The following TNR variants were observed in gnomAD, a reference collection of about 807,000 sequenced individuals.
The protein encoded by TNR is tenascin R, also known as tenascin-R.
TNR carries 45 observed loss-of-function variants against 150.4 expected under a neutral mutation model. The ratio of observed to expected loss-of-function variants is 0.30; its 90% CI spans 0.24 to 0.38. The LOEUF is 0.38. Ranked by LOEUF, TNR falls within the 10% of genes least tolerant of loss-of-function variation. The probability of loss-of-function intolerance (pLI) is 1.00; values close to 1 mark genes in which losing one functional copy is unlikely to be tolerated. For missense variants in TNR, 1,544 were observed against 1,759.1 expected, an observed-to-expected ratio of 0.88 and a Z score of 2.19; for synonymous variants, 687 against 678.4, an observed-to-expected ratio of 1.01 and a Z score of -0.20.
chr1:175,322,222 C>T lies in TNR; in HGVS notation c.*1135G>A, dbSNP rs1649093793. ...TCCTACCTTTGCAGAAAGTGACTGT[C>T]TGTCTGACCTGAGGGTGGGGGCAGT... On this transcript the variant is annotated 3_prime_UTR_variant, in exon 23 of 23. Transcript: ENST00000367674. 6.6e-6 allele frequency: 1 copy of T among 152,232 alleles called. No individual in the cohort carries two copies. The highest frequency in any genetic ancestry group is 1.5e-5 in the Non-Finnish European group (1 of 68,042). 9.4% of individuals were successfully genotyped at this position (152,232 alleles called of 1,614,324 possible).
intron 1 of TNR, among the ~76,000 whole-genome samples, chr1:175,550,047 T>G (rs1375786899): frequency 6.6e-6 from 1 of 152,118 alleles, no homozygotes; most frequent in Non-Finnish European, 1.5e-5. Context: ...TTTAAGCCCA[T>G]AAAGGGAGGC....
At chr1:175,666,790 C>T (rs529252216) in intron 1 of TNR, among the ~76,000 whole-genome samples, 1 of 152,304 alleles carries the variant, frequency 6.6e-6, no homozygotes, top group South Asian at 2.1e-4. Context: ...TTTCTGTCAC[C>T]AGGCTGGAGT....
intron 1 of TNR, among the ~76,000 whole-genome samples, chr1:175,613,826 C>G (rs539622823): frequency 5.3e-5 from 8 of 152,248 alleles, no homozygotes; most frequent in Non-Finnish European, 7.4e-5. Flanking sequence ...TATTAAATGC[C>G]TCCTATAAGA....
At chr1:175,425,838 C>T (rs1028078231) in intron 2 of TNR, among the ~76,000 whole-genome samples, 3 of 152,104 alleles carry the variant, frequency 2.0e-5, no homozygotes, top group Non-Finnish European at 2.9e-5. Context: ...AAAAACAATG[C>T]TGAGAGTTTC....
In TNR at chr1:175,728,318, T is replaced by C. The variant is rs574018983; in HGVS notation, c.-165+14908A>G. Among the ~76,000 whole-genome samples the C allele has an allele frequency of 7.9e-5, 12 of 152,306 alleles. 1 individual carries two copies. The highest frequency in any genetic ancestry group is 2.9e-4 in the African/African-American group (12 of 41,558). ...AGACAAGCTGTCAGGAGGCCTGAAGTCAAGACTTTGGAGAAGGTACAATTA... is the reference window on the plus strand; with the variant it reads ...AGACAAGCTGTCAGGAGGCCTGAAGCCAAGACTTTGGAGAAGGTACAATTA... On this transcript the variant is annotated intron_variant, in intron 1 of 22. Transcript: ENST00000367674.
chr1:175,400,244 A>C (rs563860993), intron 4 of TNR, among the ~76,000 whole-genome samples: 1 of 152,166 alleles, frequency 6.6e-6, no homozygotes, highest in Non-Finnish European at 1.5e-5. Flanking sequence ...TGGCTTTAAA[A>C]TTTTTATTTT....
At chr1:175,670,759 G>T (rs888189827) in intron 1 of TNR, among the ~76,000 whole-genome samples, 5 of 152,240 alleles carry the variant, frequency 3.3e-5, no homozygotes, top group Admixed American at 2.0e-4. Flanking sequence ...TAGAGAGAGG[G>T]GGATGTGGAT....
intron 2 of TNR, among the ~76,000 whole-genome samples, chr1:175,512,207 A>G (rs1007211775): frequency 3.3e-5 from 5 of 152,242 alleles, no homozygotes; most frequent in African/African-American, 4.8e-5. Context: ...ATTTAGAAGG[A>G]GGAGCACCCT....
At chr1:175,741,894 C>T (rs1667940667) in intron 1 of TNR, among the ~76,000 whole-genome samples, 1 of 152,180 alleles carries the variant, frequency 6.6e-6, no homozygotes, top group African/African-American at 2.4e-5. Flanking sequence ...TGTATCTCCC[C>T]TGTCTCAACA....
At chr1:175,370,823 TC>T (rs1652068789) in intron 9 of TNR, among the ~76,000 whole-genome samples, 2 of 152,192 alleles carry the variant, frequency 1.3e-5, no homozygotes, top group African/African-American at 4.8e-5. Flanking sequence ...AACATTTTCA[TC>T]CCAGTTTCTT....
intron 1 of TNR, among the ~76,000 whole-genome samples, chr1:175,696,372 G>A (rs916434163): frequency 5.9e-5 from 9 of 151,894 alleles, no homozygotes; most frequent in Non-Finnish European, 1.0e-4. Context: ...GGTTTAACAC[G>A]TGGAGAGCAG....
At chr1:175,388,691 C>T (rs1557901800) in intron 7 of TNR, among the ~76,000 whole-genome samples, 1 of 152,348 alleles carries the variant, frequency 6.6e-6, no homozygotes, top group East Asian at 1.9e-4. Flanking sequence ...TCTAAACAAA[C>T]ACAATCCCTG....
At position 175,464,206 on chromosome 1, in the gene TNR, A is replaced by G. The variant is rs188116476; in HGVS notation, c.-63-57429T>C. Among the ~76,000 whole-genome samples the G allele has an allele frequency of 9.8e-5, 15 of 152,342 alleles. No homozygotes were observed. The East Asian group carries it at 1.9e-3, about 20-fold the overall frequency. On this transcript the variant is annotated intron_variant, in intron 2 of 22. Transcript: ENST00000367674. ...TTATTTGATAATAAGACAAAGCCCAATTGCATTAAACTCAGCACTTCTGAA... is the reference window on the plus strand; with the variant it reads ...TTATTTGATAATAAGACAAAGCCCAGTTGCATTAAACTCAGCACTTCTGAA...
intron 1 of TNR, among the ~76,000 whole-genome samples, chr1:175,596,447 A>G (rs927623902): frequency 2.6e-5 from 4 of 152,132 alleles, no homozygotes; most frequent in African/African-American, 9.7e-5. Context: ...TTTCAGTTTG[A>G]GACACCTGCT....
At chr1:175,737,617 TC>T (rs1484601031) in intron 1 of TNR, among the ~76,000 whole-genome samples, 3 of 152,170 alleles carry the variant, frequency 2.0e-5, no homozygotes, top group African/African-American at 4.8e-5. Context: ...GTTCCAGACT[TC>T]CCCCTTTGTC....
chr1:175,434,211 C>T lies in TNR; in HGVS notation c.-63-27434G>A, dbSNP rs534894414. On this transcript the variant is annotated intron_variant, in intron 2 of 22. Coordinates refer to ENST00000367674, the MANE Select transcript of TNR (RefSeq NM_003285.3). The stretch of plus-strand genomic sequence containing the variant: ...TGCACATCCATTTCCAGAGAGCAGG[C>T]GTGAGGCAGAGCACTGGAAGGAATG... Among the ~76,000 whole-genome samples, 22 of 152,256 alleles carry T rather than the reference C, an allele frequency of 1.4e-4. 1 individual carries two copies. In the East Asian group the frequency reaches 2.1e-3, roughly 15 times the overall value.
chr1:175,367,377 T>G (rs1651894184), intron 9 of TNR, 80 bp from the exon 10 acceptor site: 1 of 1,151,764 alleles, frequency 8.7e-7, no homozygotes, highest in Non-Finnish European at 1.3e-6. Flanking sequence ...GAAAATGATC[T>G]TAGACTCCTA....
intron 2 of TNR, among the ~76,000 whole-genome samples, chr1:175,409,979 G>A (rs1463577126): frequency 6.6e-6 from 1 of 152,204 alleles, no homozygotes; most frequent in Non-Finnish European, 1.5e-5. Context: ...ATGAGTTTGT[G>A]TTTGTGTCAG....
chr1:175,688,888 G>A (rs1216326436), intron 1 of TNR, among the ~76,000 whole-genome samples: 1 of 152,246 alleles, frequency 6.6e-6, no homozygotes, highest in African/African-American at 2.4e-5. Flanking sequence ...TTTTATGACA[G>A]AAGCCAGAGA....
Sources: allele counts gnomAD v4.1 joint callset (sites outside exome capture counted in the v4.1 genomes callset), GRCh38; gene constraint gnomAD v4.1.1; transcripts MANE v1.5; gene names NCBI Gene and HGNC (gene_info 2026-07-23, HGNC 2026-07-21).